Variants in CFAP299 observed in about 807,000 individuals in gnomAD.
CFAP299 encodes the protein cilia and flagella associated protein 299.
A neutral mutation model predicts 27.0 loss-of-function variants in CFAP299; 21 were observed. That is an observed-to-expected ratio of 0.78 (90% CI 0.55 to 1.12). The LOEUF (loss-of-function observed/expected upper bound fraction) is 1.12, where lower values mean the gene tolerates loss of function less well. Ranked by LOEUF, CFAP299 falls within the 50% of genes most tolerant of loss-of-function variation. CFAP299 has a pLI of 0.00. For synonymous variants in CFAP299, 104 were observed against 98.1 expected (o/e 1.06, Z -0.36); for missense variants, 310 against 276.6 (o/e 1.12, Z -0.86).
intron 3 of CFAP299, among the ~76,000 whole-genome samples, chr4:80,694,446 A>G (rs1274338300): frequency 6.6e-6 from 1 of 152,224 alleles, no homozygotes; most frequent in Non-Finnish European, 1.5e-5. Flanking sequence ...ATGCATATCT[A>G]TATTATGCTC....
intron 3 of CFAP299, among the ~76,000 whole-genome samples, chr4:80,746,785 G>T (rs116481964): frequency 0.025 from 3,875 of 152,038 alleles, 115 homozygotes; most frequent in African/African-American, 0.066. Context: ...AATAGTAAGA[G>T]ATATTATATA....
At chr4:80,607,375 C>T (rs1737735284) in intron 3 of CFAP299, among the ~76,000 whole-genome samples, 1 of 150,274 alleles carries the variant, frequency 6.7e-6, no homozygotes, top group Non-Finnish European at 1.5e-5. Flanking sequence ...TATCGAGATG[C>T]TCTGCCTTTC....
At chr4:80,927,894 T>C (rs1736385125) in intron 4 of CFAP299, among the ~76,000 whole-genome samples, 1 of 152,104 alleles carries the variant, frequency 6.6e-6, no homozygotes, top group African/African-American at 2.4e-5. Context: ...CCAAAGCACA[T>C]AACATACTTG....
intron 3 of CFAP299, among the ~76,000 whole-genome samples, chr4:80,591,491 G>T (rs1736791336): frequency 6.6e-6 from 1 of 152,104 alleles, no homozygotes; most frequent in African/African-American, 2.4e-5. Context: ...CTTTGGCGTG[G>T]CACCTCACGA....
At chr4:80,684,587 A>G (rs1720066742) in intron 3 of CFAP299, among the ~76,000 whole-genome samples, 1 of 152,132 alleles carries the variant, frequency 6.6e-6, no homozygotes, top group Non-Finnish European at 1.5e-5. Flanking sequence ...TATTTTAAGA[A>G]ATATTTCTAC....
At chr4:80,646,968 TGAGAGA>T (rs35062478) in intron 3 of CFAP299, among the ~76,000 whole-genome samples, 14 of 148,160 alleles carry the variant, frequency 9.4e-5, no homozygotes, top group African/African-American at 3.5e-4. Context: ...TCCAATTCTT[TGAGAGA>T]GAGAGAGAGA....
chr4:80,504,845 T>C (rs1394797034), intron 2 of CFAP299, among the ~76,000 whole-genome samples: 1 of 147,874 alleles, frequency 6.8e-6, no homozygotes, highest in Non-Finnish European at 1.5e-5. Context: ...ATTTTATATA[T>C]TTAATAAAAA....
chr4:80,331,775 A>G (rs149597323), upstream of CFAP299, among the ~76,000 whole-genome samples: 196 of 152,308 alleles, frequency 1.3e-3, no homozygotes, highest in African/African-American at 4.5e-3. Flanking sequence ...GCAGTTAGAT[A>G]TGTGATTGGA....
At chr4:80,873,600 C>T (rs1375499207) in intron 4 of CFAP299, among the ~76,000 whole-genome samples, 1 of 152,134 alleles carries the variant, frequency 6.6e-6, no homozygotes, top group African/African-American at 2.4e-5. Context: ...AAAGAGTAAA[C>T]CACTTACTAA....
chr4:80,856,826 G>C (rs1272182771), intron 3 of CFAP299, among the ~76,000 whole-genome samples: 6 of 152,036 alleles, frequency 3.9e-5, no homozygotes, highest in African/African-American at 1.5e-4. Context: ...ATAGTTTGAA[G>C]TCAGGTAGCG....
intron 5 of CFAP299, among the ~76,000 whole-genome samples, chr4:80,946,683 T>A (rs1737494674): frequency 6.6e-6 from 1 of 152,216 alleles, no homozygotes; most frequent in Admixed American, 6.5e-5. Flanking sequence ...GGTTTCTCAT[T>A]AGTGAAATGA....
chr4:80,663,209 C>G (rs191903279), intron 3 of CFAP299, among the ~76,000 whole-genome samples: 1 of 151,908 alleles, frequency 6.6e-6, no homozygotes, highest in African/African-American at 2.4e-5. Context: ...TACGTATACA[C>G]GTGCCATGGT....
chr4:80,913,594 A>T (rs1735589245), intron 4 of CFAP299, among the ~76,000 whole-genome samples: 1 of 152,170 alleles, frequency 6.6e-6, no homozygotes, highest in Non-Finnish European at 1.5e-5. Context: ...GTTAGGCAAG[A>T]GGCTTCGCGA....
chr4:80,429,732 T>A (rs1340970194), intron 2 of CFAP299, among the ~76,000 whole-genome samples: 3 of 152,164 alleles, frequency 2.0e-5, no homozygotes, highest in Non-Finnish European at 4.4e-5. Flanking sequence ...TAATCATAAC[T>A]ATGATTCTAT....
At chr4:80,512,579 A>G (rs977680770) in intron 2 of CFAP299, among the ~76,000 whole-genome samples, 4 of 152,100 alleles carry the variant, frequency 2.6e-5, no homozygotes, top group South Asian at 2.1e-4. Flanking sequence ...CTTCATAGTG[A>G]GGCGATGAGG....
At chr4:80,391,450 T>C (rs1448926547) in intron 2 of CFAP299, among the ~76,000 whole-genome samples, 2 of 152,220 alleles carry the variant, frequency 1.3e-5, no homozygotes, top group Non-Finnish European at 2.9e-5. Context: ...GGTTCCGATT[T>C]GCTTTCCCTG....
chr4:80,935,828 T>G (rs111517475), intron 4 of CFAP299, among the ~76,000 whole-genome samples: 5,817 of 152,044 alleles, frequency 0.038, 219 homozygotes, highest in African/African-American at 0.097. Context: ...CTGACAAAGG[T>G]TCTATCCATT....
chr4:80,718,895 G>T (rs529585076), intron 3 of CFAP299, among the ~76,000 whole-genome samples: 1 of 152,144 alleles, frequency 6.6e-6, no homozygotes, highest in East Asian at 1.9e-4. Flanking sequence ...TGCTTTGAAT[G>T]TCCATTGATG....
upstream of CFAP299, among the ~76,000 whole-genome samples, chr4:80,331,170 G>C (rs142555593): frequency 1.0e-3 from 155 of 152,288 alleles, 1 homozygote; most frequent in South Asian, 3.5e-3. Flanking sequence ...CAGCATGTTT[G>C]AGACCCAGCA....
Sources: allele counts gnomAD v4.1 joint callset (sites outside exome capture counted in the v4.1 genomes callset), GRCh38; gene constraint gnomAD v4.1.1; transcripts MANE v1.5; gene names NCBI Gene and HGNC (gene_info 2026-07-23, HGNC 2026-07-21).